The following ZNF540 variants were observed in gnomAD, a reference collection of about 807,000 sequenced individuals.
ZNF540 encodes the protein CTD-3064H18.6.
In ZNF540, 3 loss-of-function variants were observed where a neutral mutation model predicts 11.8. The ratio of observed to expected loss-of-function variants is 0.25; its 90% CI spans 0.12 to 0.65. The LOEUF (loss-of-function observed/expected upper bound fraction) is 0.65. Among genes scored for constraint, ZNF540 ranks in the 30% least tolerant of loss-of-function variants. The pLI is 0.83. For missense variants in ZNF540, 709 were observed against 793.1 expected (o/e 0.89, Z 1.27); for synonymous variants, 247 against 259.0 (o/e 0.95, Z 0.45).
chr19:37,583,545 G>A (rs1219763637), intron 1 of ZNF540: 4 of 155,462 alleles, frequency 2.6e-5, no homozygotes, highest in African/African-American at 7.2e-5. Context: ...TGCCACCTAC[G>A]GATCAGCTGT....
At chr19:37,609,376 T>C (rs1345844659) in intron 4 of ZNF540, among the ~76,000 whole-genome samples, 1 of 151,912 alleles carries the variant, frequency 6.6e-6, no homozygotes, top group Non-Finnish European at 1.5e-5. Flanking sequence ...ACCCCGTCTC[T>C]ACTAAAAATA....
chr19:37,564,545 T>C, intron 1 of ZNF540: 2 of 1,432,450 alleles, frequency 1.4e-6, no homozygotes, highest in South Asian at 1.7e-5. Context: ...ACATTCATTA[T>C]AGATATGAAA....
intron 1 of ZNF540, chr19:37,575,393 A>G (rs1181743669): frequency 1.3e-5 from 2 of 152,208 alleles, no homozygotes; most frequent in Non-Finnish European, 2.9e-5. Context: ...CAGATTTACC[A>G]TACAAATACT....
chr19:37,599,178 C>T (rs901972347), intron 2 of ZNF540, among the ~76,000 whole-genome samples: 3 of 151,086 alleles, frequency 2.0e-5, no homozygotes, highest in South Asian at 2.1e-4. Context: ...ATCGATTGAT[C>T]GATAGATAGA....
intron 2 of ZNF540, 93 bp from the exon 3 acceptor site, chr19:37,599,533 C>T: frequency 6.8e-7 from 1 of 1,478,896 alleles, no homozygotes; most frequent in Non-Finnish European, 9.4e-7. Flanking sequence ...AGTATAGTAC[C>T]CCTTGCTGCA....
chr19:37,578,935 T>C (rs1449640458), intron 1 of ZNF540, among the ~76,000 whole-genome samples: 1 of 152,110 alleles, frequency 6.6e-6, no homozygotes, highest in East Asian at 1.9e-4. Flanking sequence ...AAGTTCGGCA[T>C]TGTTTGGAAG....
intron 1 of ZNF540, among the ~76,000 whole-genome samples, chr19:37,582,661 G>A (rs545128333): frequency 2.6e-5 from 4 of 152,174 alleles, no homozygotes; most frequent in Admixed American, 6.5e-5. Flanking sequence ...TATCAAATAC[G>A]TAACTCTTGA....
intron 3 of ZNF540, 113 bp from the exon 4 acceptor site, chr19:37,600,897 G>A (rs959826782): frequency 1.6e-5 from 14 of 883,326 alleles, no homozygotes; most frequent in African/African-American, 8.6e-5. Flanking sequence ...AGTTTTTTCC[G>A]AAGTCTTCAT....
upstream of ZNF540, chr19:37,594,708 T>C (rs559260415): frequency 1.3e-5 from 2 of 152,388 alleles, no homozygotes; most frequent in East Asian, 1.9e-4. Flanking sequence ...ACCCAAAAGC[T>C]GCGAGCGGTT....
rs1402676936 is a variant in ZNF540, at chr19:37,569,319, C to T, written c.-73+17654C>T. The stretch of plus-strand genomic sequence containing the variant: ...TTATGAGACCCTTTGTTCTAATCTC[C>T]ATCTGGCAGATAGAATGGAATAGTA... On this transcript the variant is annotated intron_variant, in intron 1 of 4. Coordinates refer to the ZNF540 transcript ENST00000592533. This position sits in a 1 kb window ranked among gnomAD's most constrained non-coding sequence, Gnocchi z 4.4. Among the ~76,000 whole-genome samples, 4 of 152,138 alleles carry T rather than the reference C, an allele frequency of 2.6e-5. No individual in the cohort carries two copies. Among genetic ancestry groups the T allele is most frequent in the Non-Finnish European group, 5.9e-5 (4 of 68,018 alleles).
Position 37,595,735 on chromosome 19 carries a change from G to A in ZNF540, c.-73+640G>A, listed in dbSNP as rs186156954. Among the ~76,000 whole-genome samples the A allele has an allele frequency of 4.1e-3, 630 of 152,254 alleles. 14 individuals are homozygous for A. Among genetic ancestry groups the A allele is most frequent in the Non-Finnish European group, 2.3e-3 (157 of 68,020 alleles). On this transcript the variant is annotated intron_variant, in intron 1 of 4. Coordinates refer to ENST00000316433, the MANE Select transcript of ZNF540 (RefSeq NM_001172225.3). ...ACTGAGTTCCATTTTTTATATCTGT[G>A]CTCTCCAATATAGTAGCCACTAGCT...
chr19:37,565,637 GAAC>G, intron 1 of ZNF540: 1 of 1,613,096 alleles, frequency 6.2e-7, no homozygotes, highest in South Asian at 1.1e-5. Flanking sequence ...AGTATATTGT[GAAC>G]AATAACTAAA....
At chr19:37,564,787 T>C (rs762627223) in intron 1 of ZNF540, 16 of 1,613,900 alleles carry the variant, frequency 9.9e-6, no homozygotes, top group South Asian at 2.2e-5. Context: ...TTCTCAGATG[T>C]TCAGTAAGGT....
intron 3 of ZNF540, among the ~76,000 whole-genome samples, chr19:37,600,584 AAAT>A (rs1279820412): frequency 6.6e-6 from 1 of 152,188 alleles, no homozygotes; most frequent in Non-Finnish European, 1.5e-5. Context: ...GAAAAAAAGA[AAAT>A]AAAAGGTACT....
chr19:37,563,523 A>G (rs563743979), intron 1 of ZNF540: 1 of 152,154 alleles, frequency 6.6e-6, no homozygotes, highest in South Asian at 2.1e-4. Context: ...ACATATACAT[A>G]TGGAATATAT....
At chr19:37,556,272 G>T in intron 1 of ZNF540, 2 of 611,602 alleles carry the variant, frequency 3.3e-6, no homozygotes, top group Non-Finnish European at 5.8e-6. Context: ...GAGGAGAAAG[G>T]AGTAGGAAGG....
At chr19:37,595,950 G>C (rs1008363073) in intron 1 of ZNF540, among the ~76,000 whole-genome samples, 3 of 152,042 alleles carry the variant, frequency 2.0e-5, no homozygotes, top group African/African-American at 7.2e-5. Flanking sequence ...AATTCATCTA[G>C]CAAATATTTG....
At chr19:37,607,391 T>C (rs2044093416) in intron 4 of ZNF540, among the ~76,000 whole-genome samples, 1 of 152,184 alleles carries the variant, frequency 6.6e-6, no homozygotes, top group Non-Finnish European at 1.5e-5. Flanking sequence ...CTTTGAAAAA[T>C]ATATAATGAT....
At chr19:37,606,611 G>C (rs146133077) in intron 4 of ZNF540, among the ~76,000 whole-genome samples, 2 of 152,176 alleles carry the variant, frequency 1.3e-5, no homozygotes, top group African/African-American at 4.8e-5. Context: ...TTTGAGAACA[G>C]CCATTCCAGT....
Sources: gnomAD v4.1 joint callset for allele counts (sites outside exome capture counted in the v4.1 genomes callset) on GRCh38, gnomAD v4.1.1 for gene constraint, Gnocchi (gnomAD v3.1) non-coding constraint, MANE v1.5 for transcripts, NCBI Gene and HGNC (gene_info 2026-07-23, HGNC 2026-07-21) for gene names.